AP2B1: variants seen among roughly 807,000 people sequenced by gnomAD.
AP2B1 encodes the protein AP-2 complex subunit beta.
A neutral mutation model predicts 102.0 loss-of-function variants in AP2B1; 23 were observed. The ratio of observed to expected loss-of-function variants is 0.23; its 90% confidence interval spans 0.16 to 0.32. AP2B1 has a LOEUF of 0.32. Ranked by LOEUF, AP2B1 falls within the 10% of genes least tolerant of loss-of-function variation. The pLI, the probability that AP2B1 is intolerant of heterozygous loss-of-function variation, is 1.00. For synonymous variants in AP2B1, 381 were observed against 421.2 expected (o/e 0.90, Z 1.17); for missense variants, 541 against 1,157.4 (o/e 0.47, Z 7.73).
At chr17:35,659,795 C>G in intron 14 of AP2B1, 1 of 985,354 alleles carries the variant, frequency 1.0e-6, no homozygotes, top group Non-Finnish European at 1.2e-6. Flanking sequence ...CAGTTTTCTT[C>G]AGCTTATTCT....
chr17:35,718,760 G>A (rs1176628926), intron 21 of AP2B1, among the ~76,000 whole-genome samples: 2 of 151,124 alleles, frequency 1.3e-5, no homozygotes, highest in Admixed American at 1.3e-4. Context: ...ATATATGGGT[G>A]TGTGTGGTTT....
intron 2 of AP2B1, among the ~76,000 whole-genome samples, chr17:35,597,612 A>G (rs1433054299): frequency 6.6e-6 from 1 of 152,222 alleles, no homozygotes. Flanking sequence ...CACTTGGTGG[A>G]GCTCTTAAAG....
intron 18 of AP2B1, among the ~76,000 whole-genome samples, chr17:35,684,209 C>T (rs2075883408): frequency 6.6e-6 from 1 of 152,152 alleles, no homozygotes; most frequent in South Asian, 2.1e-4. Flanking sequence ...GAAAGATACA[C>T]TGTGAAGGAT....
intron 1 of AP2B1, among the ~76,000 whole-genome samples, chr17:35,589,988 C>T (rs1007438800): frequency 6.9e-6 from 1 of 144,602 alleles, no homozygotes. Context: ...TGCAGTGGCG[C>T]GATCTCGGCT....
chr17:35,699,461 G>A (rs921510864), intron 18 of AP2B1, among the ~76,000 whole-genome samples: 26 of 152,166 alleles, frequency 1.7e-4, no homozygotes, highest in African/African-American at 6.0e-4. Context: ...CAGCAGTTTG[G>A]TACCATTTGA....
At chr17:35,616,228 GATCT>G (rs2074015241) in intron 5 of AP2B1, among the ~76,000 whole-genome samples, 1 of 118,076 alleles carries the variant, frequency 8.5e-6, no homozygotes, top group Non-Finnish European at 1.6e-5. Context: ...GCAGTGGCGC[GATCT>G]CGGCTCACTG....
chr17:35,643,469 C>T (rs1380455001), intron 12 of AP2B1, among the ~76,000 whole-genome samples: 1 of 152,188 alleles, frequency 6.6e-6, no homozygotes, highest in African/African-American at 2.4e-5. Flanking sequence ...TTGTATTTAA[C>T]AGGCACCATA....
intron 5 of AP2B1, among the ~76,000 whole-genome samples, chr17:35,611,247 C>T (rs1159826964): frequency 1.3e-5 from 2 of 152,086 alleles, no homozygotes; most frequent in African/African-American, 4.8e-5. Flanking sequence ...GTGCTGCAAC[C>T]GTCAACCAGG....
intron 5 of AP2B1, among the ~76,000 whole-genome samples, chr17:35,610,620 C>T (rs1232367103): frequency 1.5e-5 from 2 of 130,314 alleles, no homozygotes; most frequent in East Asian, 2.4e-4. Context: ...TTAAAAAATT[C>T]GGTGGGGCCG....
intron 19 of AP2B1, 142 bp downstream of exon 19, chr17:35,709,450 C>G (rs1215106205): frequency 1.5e-6 from 1 of 661,122 alleles, no homozygotes; most frequent in Admixed American, 2.6e-5. Flanking sequence ...TTAATAATTG[C>G]TCATTATTTA....
chr17:35,664,715 C>T (rs1041825387), intron 14 of AP2B1, among the ~76,000 whole-genome samples: 3 of 152,162 alleles, frequency 2.0e-5, no homozygotes, highest in African/African-American at 7.2e-5. Context: ...TAGAATGGTC[C>T]TTGCAACCTT....
intron 13 of AP2B1, among the ~76,000 whole-genome samples, chr17:35,656,139 G>C (rs138512225): frequency 2.6e-5 from 4 of 151,798 alleles, no homozygotes; most frequent in African/African-American, 7.2e-5. Flanking sequence ...TTTCTTTTGT[G>C]GCTACTGCTT....
At chr17:35,657,540 T>C in intron 13 of AP2B1, 59 bp from the exon 14 acceptor site, 1 of 1,434,062 alleles carries the variant, frequency 7.0e-7, no homozygotes, top group Admixed American at 1.9e-5. Flanking sequence ...GTTGCGATGT[T>C]ATGTCCTAGG....
chr17:35,648,245 G>A (rs1010514047), intron 12 of AP2B1, among the ~76,000 whole-genome samples: 5 of 152,180 alleles, frequency 3.3e-5, no homozygotes, highest in African/African-American at 9.7e-5. Context: ...GCCAGACACG[G>A]TGGCTTATGC....
At chr17:35,697,363 G>C (rs1022353768) in intron 18 of AP2B1, among the ~76,000 whole-genome samples, 1 of 152,264 alleles carries the variant, frequency 6.6e-6, no homozygotes, top group Middle Eastern at 3.4e-3. Flanking sequence ...GCTAACTTAC[G>C]TCTGTATGTC....
rs587659688 is a variant in AP2B1, at chr17:35,717,407, C to T, written c.2781+58C>T. The T allele has an allele frequency of 4.1e-5, 66 of 1,592,688 alleles. 1 individual carries two copies. In the South Asian group the frequency reaches 6.9e-4, roughly 17 times the overall value. ...TAGAGGAGGGAGGTGAGAGCCCTTT[C>T]ATGTTTACTTAGCACCCTAGAAAGA... On this transcript the variant is annotated intron_variant, in intron 21 of 21. Transcript: ENST00000610402.
chr17:35,640,804 C>T (rs1003521467), intron 11 of AP2B1, among the ~76,000 whole-genome samples: 3 of 152,172 alleles, frequency 2.0e-5, no homozygotes, highest in African/African-American at 4.8e-5. Context: ...TTTTTATTTT[C>T]TGTCACCTAA....
intron 19 of AP2B1, among the ~76,000 whole-genome samples, chr17:35,709,704 A>T (rs1018160454): frequency 2.6e-5 from 4 of 152,208 alleles, no homozygotes; most frequent in Admixed American, 2.6e-4. Context: ...GAGATAATAC[A>T]TGTAAATTTA....
chr17:35,716,107 T>G (rs147260576), intron 20 of AP2B1, among the ~76,000 whole-genome samples: 5 of 152,314 alleles, frequency 3.3e-5, no homozygotes, highest in African/African-American at 1.2e-4. Context: ...TTCAGAGAGC[T>G]TACCATTTAG....
Sources: allele counts gnomAD v4.1 joint callset (sites outside exome capture counted in the v4.1 genomes callset), GRCh38; gene constraint gnomAD v4.1.1; transcripts MANE v1.5; gene names NCBI Gene and HGNC (gene_info 2026-07-23, HGNC 2026-07-21).